SAMD12: variants seen among roughly 807,000 people sequenced by gnomAD.
The protein encoded by SAMD12 is sterile alpha motif domain-containing protein 12.
In SAMD12, 9 loss-of-function variants were observed where a neutral mutation model predicts 15.0. That is an observed-to-expected ratio of 0.60 (90% CI 0.36 to 1.05). The LOEUF is 1.05. SAMD12 is among the 50% of genes least tolerant of loss of function. The pLI is 0.01. For synonymous variants in SAMD12, 86 were observed against 90.1 expected, an observed-to-expected ratio of 0.96 and a Z score of 0.25; for missense variants, 230 against 234.2, an observed-to-expected ratio of 0.98 and a Z score of 0.12.
intron 4 of SAMD12, chr8:118,284,235 A>G (rs1198953464): frequency 2.2e-6 from 1 of 449,462 alleles, no homozygotes. Flanking sequence ...TTTTAAAGGC[A>G]GATGAAACAA....
intron 2 of SAMD12, among the ~76,000 whole-genome samples, chr8:118,545,154 T>C (rs961714072): frequency 1.3e-5 from 2 of 152,154 alleles, no homozygotes; most frequent in African/African-American, 4.8e-5. Flanking sequence ...TGTATAAACA[T>C]GCACACATAT....
chr8:118,333,804 C>A (rs561172632), intron 4 of SAMD12, among the ~76,000 whole-genome samples: 2 of 152,116 alleles, frequency 1.3e-5, no homozygotes, highest in Admixed American at 6.5e-5. Flanking sequence ...GATCAAATAG[C>A]CCAGGCACCA....
chr8:118,357,879 C>T (rs1818308770), intron 4 of SAMD12, among the ~76,000 whole-genome samples: 1 of 152,136 alleles, frequency 6.6e-6, no homozygotes, highest in South Asian at 2.1e-4. Flanking sequence ...GGCACAGTGG[C>T]TCACACCTGT....
In SAMD12 at chr8:118,490,996, A is replaced by C. The variant is rs550588441; in HGVS notation, c.193-51035T>G. 3.9e-5 allele frequency among the ~76,000 whole-genome samples: 6 copies of C among 152,078 alleles called. No homozygotes were observed. The East Asian group carries it at 9.7e-4, about 24-fold the overall frequency. ...GCAGCTCTGCTACACCAGTTATATAATTCTACAAAGTAAAACCAAGCACTG... is the reference window on the plus strand; with the variant it reads ...GCAGCTCTGCTACACCAGTTATATACTTCTACAAAGTAAAACCAAGCACTG... On this transcript the variant is annotated intron_variant, in intron 2 of 3. Transcript: ENST00000314727.
chr8:118,263,924 T>G (rs1813140736), intron 4 of SAMD12, among the ~76,000 whole-genome samples: 1 of 152,100 alleles, frequency 6.6e-6, no homozygotes, highest in Admixed American at 6.6e-5. Context: ...AACACTCCTC[T>G]CCTTAGCCAT....
intron 3 of SAMD12, among the ~76,000 whole-genome samples, 154 bp from the exon 4 acceptor site, chr8:118,379,854 A>G (rs561663145): frequency 1.2e-4 from 19 of 152,338 alleles, no homozygotes; most frequent in African/African-American, 4.1e-4. Flanking sequence ...TGCTGACACA[A>G]ATGGATTATC....
intron 4 of SAMD12, among the ~76,000 whole-genome samples, chr8:118,367,739 A>C (rs1261345518): frequency 6.6e-6 from 1 of 152,228 alleles, no homozygotes; most frequent in African/African-American, 2.4e-5. Flanking sequence ...TGAGCTGTGA[A>C]GCAGCAATGA....
the SAMD12 span, among the ~76,000 whole-genome samples, chr8:118,172,356 GA>G: frequency 1.3e-5 from 2 of 152,196 alleles, no homozygotes; most frequent in Non-Finnish European, 2.9e-5. Flanking sequence ...AACAGGTCTT[GA>G]ATGTTAGACT....
intron 4 of SAMD12, among the ~76,000 whole-genome samples, chr8:118,242,351 GA>G (rs1270681032): frequency 6.6e-6 from 1 of 152,102 alleles, no homozygotes; most frequent in African/African-American, 2.4e-5. Flanking sequence ...TGAATCACAA[GA>G]AAATCAGACA....
At chr8:118,314,403 C>T (rs565704451) in intron 4 of SAMD12, among the ~76,000 whole-genome samples, 1 of 151,470 alleles carries the variant, frequency 6.6e-6, no homozygotes, top group South Asian at 2.1e-4. Context: ...ATCAATTTTA[C>T]AAGCACTTGT....
At chr8:118,503,622 A>G (rs796224051) in intron 2 of SAMD12, among the ~76,000 whole-genome samples, 3 of 152,302 alleles carry the variant, frequency 2.0e-5, no homozygotes, top group African/African-American at 7.2e-5. Context: ...AAATTGAGAA[A>G]GTGTTTTGAG....
chr8:118,437,641 C>T (rs557342626), intron 3 of SAMD12, among the ~76,000 whole-genome samples: 56 of 152,204 alleles, frequency 3.7e-4, no homozygotes, highest in African/African-American at 1.3e-3. Flanking sequence ...AAGCAGCTTG[C>T]CCAAGATCCC....
intron 4 of SAMD12, among the ~76,000 whole-genome samples, chr8:118,228,819 G>A (rs1021938705): frequency 9.9e-5 from 15 of 152,216 alleles, no homozygotes; most frequent in South Asian, 6.2e-4. Context: ...GTCATTATTC[G>A]AAAAAGATAC....
chr8:118,570,293 T>G (rs1462558928), intron 2 of SAMD12, among the ~76,000 whole-genome samples: 1 of 152,158 alleles, frequency 6.6e-6, no homozygotes, highest in Non-Finnish European at 1.5e-5. Context: ...ATTGTACAGA[T>G]TATTTTATCA....
intron 4 of SAMD12, among the ~76,000 whole-genome samples, chr8:118,235,370 C>T (rs1812405701): frequency 6.6e-6 from 1 of 152,016 alleles, no homozygotes; most frequent in African/African-American, 2.4e-5. Context: ...GCCACTATGC[C>T]CAGCTAATTT....
chr8:118,313,055 G>A (rs1171788341), intron 4 of SAMD12, among the ~76,000 whole-genome samples: 1 of 152,088 alleles, frequency 6.6e-6, no homozygotes, highest in Non-Finnish European at 1.5e-5. Flanking sequence ...TATTACATAG[G>A]TCTCAAAATT....
the SAMD12 span, among the ~76,000 whole-genome samples, chr8:118,164,506 T>C: frequency 6.6e-6 from 1 of 152,156 alleles, no homozygotes; most frequent in Admixed American, 6.5e-5. Context: ...GAGTTCTCTC[T>C]GGTTTTAGTT....
intron 2 of SAMD12, among the ~76,000 whole-genome samples, chr8:118,446,705 T>C (rs1010716677): frequency 1.3e-5 from 2 of 152,210 alleles, no homozygotes; most frequent in African/African-American, 4.8e-5. Context: ...ATCATCTTTT[T>C]ACTGATTCTT....
At chr8:118,474,894 A>G (rs1449912907) in intron 2 of SAMD12, among the ~76,000 whole-genome samples, 1 of 152,166 alleles carries the variant, frequency 6.6e-6, no homozygotes, top group Non-Finnish European at 1.5e-5. Flanking sequence ...CTGTCTTTGC[A>G]GTAATGAGTG....
Sources: gnomAD v4.1 joint callset for allele counts (sites outside exome capture counted in the v4.1 genomes callset) on GRCh38, gnomAD v4.1.1 for gene constraint, MANE v1.5 for transcripts, NCBI Gene and HGNC (gene_info 2026-07-23, HGNC 2026-07-21) for gene names.